Variants in NR2C2 observed in about 807,000 individuals in gnomAD.
The protein encoded by NR2C2 is nuclear receptor subfamily 2 group C member 2.
In NR2C2, 6 loss-of-function variants were observed where a neutral mutation model predicts 62.9. The observed-to-expected ratio is 0.10, with a 90% CI of 0.05 to 0.19. NR2C2 has a LOEUF of 0.19. Among genes scored for constraint, NR2C2 ranks in the 10% least tolerant of loss-of-function variants. The pLI, the probability that NR2C2 is intolerant of heterozygous loss-of-function variation, is 1.00. For synonymous variants in NR2C2, 272 were observed against 273.8 expected, an observed-to-expected ratio of 0.99 and a Z score of 0.07; for missense variants, 479 against 762.7, an observed-to-expected ratio of 0.63 and a Z score of 4.38.
At chr3:15,000,814 G>GT (rs60214973) in intron 1 of NR2C2, among the ~76,000 whole-genome samples, 15,270 of 127,022 alleles carry the variant, frequency 0.12, 1,133 homozygotes, top group East Asian at 0.24. Context: ...ATTTATTTAG[G>GT]TTTTTTTTTT....
chr3:15,000,204 AT>A (rs1250121842), intron 1 of NR2C2, among the ~76,000 whole-genome samples: 1 of 151,856 alleles, frequency 6.6e-6, no homozygotes, highest in African/African-American at 2.4e-5. Flanking sequence ...GTTAACTACC[AT>A]TTTACTCTGG....
chr3:14,962,655 C>CTTTTTTTTT, intron 1 of NR2C2, among the ~76,000 whole-genome samples: 1 of 123,668 alleles, frequency 8.1e-6, no homozygotes, highest in Non-Finnish European at 1.7e-5. Context: ...TTATTTGTAA[C>CTTTTTTTTT]TTTTTTTTTT....
At chr3:15,024,480 T>C (rs943573183) in intron 7 of NR2C2, among the ~76,000 whole-genome samples, 10 of 152,358 alleles carry the variant, frequency 6.6e-5, no homozygotes, top group African/African-American at 1.9e-4. Context: ...TTTTCTGTTA[T>C]AGTTTTCTTT....
chr3:14,977,071 G>GT (rs1470134293), intron 1 of NR2C2, among the ~76,000 whole-genome samples: 1 of 152,064 alleles, frequency 6.6e-6, no homozygotes, highest in Non-Finnish European at 1.5e-5. Context: ...TCTTCCCTCA[G>GT]TTTTTTTCTA....
At chr3:15,013,039 C>T (rs921252232) in intron 2 of NR2C2, among the ~76,000 whole-genome samples, 1 of 152,172 alleles carries the variant, frequency 6.6e-6, no homozygotes, top group African/African-American at 2.4e-5. Flanking sequence ...GATGTAGTCT[C>T]TATCCTTAAA....
intron 9 of NR2C2, among the ~76,000 whole-genome samples, chr3:15,031,832 A>G (rs3773482): frequency 0.18 from 26,380 of 150,692 alleles, 2,655 homozygotes; most frequent in African/African-American, 0.28. Flanking sequence ...GGGTTCAAGC[A>G]ATTCTCCTGC....
intron 1 of NR2C2, among the ~76,000 whole-genome samples, chr3:14,979,495 A>G (rs190157786): frequency 6.6e-6 from 1 of 152,354 alleles, no homozygotes; most frequent in Admixed American, 6.5e-5. Context: ...AGAGAGCAGT[A>G]AATGCTATAA....
chr3:14,955,263 A>G (rs1464823518), intron 1 of NR2C2, among the ~76,000 whole-genome samples: 2 of 152,250 alleles, frequency 1.3e-5, no homozygotes, highest in African/African-American at 4.8e-5. Flanking sequence ...TCAAAGTTCT[A>G]AAAGAACTGC....
At chr3:15,029,890 CAA>C (rs777140572) in intron 8 of NR2C2, among the ~76,000 whole-genome samples, 83 of 134,708 alleles carry the variant, frequency 6.2e-4, no homozygotes, top group Non-Finnish European at 1.1e-3. Flanking sequence ...GAGAAAGAGA[CAA>C]AGAGAAAAGG....
intron 3 of NR2C2, 68 bp downstream of exon 3, chr3:15,013,857 C>G (rs891482022): frequency 1.3e-6 from 2 of 1,533,378 alleles, no homozygotes; most frequent in African/African-American, 2.7e-5. Context: ...CTTGTTCTTA[C>G]ATCTGCCTTC....
At chr3:14,995,898 T>C (rs564993672) in intron 1 of NR2C2, among the ~76,000 whole-genome samples, 2 of 152,334 alleles carry the variant, frequency 1.3e-5, no homozygotes, top group South Asian at 2.1e-4. Context: ...TGGTATCTTA[T>C]TGTGATTTTT....
intron 7 of NR2C2, among the ~76,000 whole-genome samples, chr3:15,027,551 G>A (rs986639087): frequency 2.0e-5 from 3 of 152,174 alleles, no homozygotes; most frequent in Non-Finnish European, 4.4e-5. Flanking sequence ...CTTATGGGCT[G>A]TTTATATATC....
Position 15,020,865 on chromosome 3 carries a change from A to G in NR2C2, c.489A>G (p.Lys163=). The change falls in exon 5 of 14, where the codon AAA becomes AAG. Residue 163 remains lysine (K), a synonymous_variant. Coordinates refer to ENST00000425241, the MANE Select transcript of NR2C2 (RefSeq NM_001291694.2). ...GCAACCAAGACTGCATCATCAATAA[A>G]CATCACCGGAACCGCTGTCAGTTTT... ...CRSNQDCIIN[K]HHRNRCQFCR... 6.2e-7 allele frequency: 1 copy of G among 1,614,170 alleles called. No homozygotes were observed. The highest frequency in any genetic ancestry group is 1.1e-5 in the South Asian group (1 of 91,074).
chr3:14,952,304 G>C (rs1438861582), intron 1 of NR2C2, among the ~76,000 whole-genome samples: 2 of 152,144 alleles, frequency 1.3e-5, no homozygotes, highest in African/African-American at 4.8e-5. Flanking sequence ...CCTGTCTTCA[G>C]CCGTGGCACT....
At chr3:14,994,343 C>T (rs893788742) in intron 1 of NR2C2, among the ~76,000 whole-genome samples, 10 of 151,938 alleles carry the variant, frequency 6.6e-5, no homozygotes, top group Non-Finnish European at 1.2e-4. Context: ...TCCTTATGCC[C>T]CCTCCCAATC....
chr3:15,027,985 A>C (rs1001420141), intron 7 of NR2C2, among the ~76,000 whole-genome samples: 8 of 151,876 alleles, frequency 5.3e-5, no homozygotes, highest in African/African-American at 1.5e-4. Flanking sequence ...CAGCCTCCCA[A>C]GTACCTGGGG....
At chr3:14,962,527 C>T (rs1559529772) in intron 1 of NR2C2, 1 of 152,498 alleles carries the variant, frequency 6.6e-6, no homozygotes. Flanking sequence ...AGCTGGCACC[C>T]TCACTTTCGA....
At chr3:14,973,406 A>T (rs2040107490) in intron 1 of NR2C2, among the ~76,000 whole-genome samples, 1 of 151,968 alleles carries the variant, frequency 6.6e-6, no homozygotes, top group Non-Finnish European at 1.5e-5. Context: ...TTAAAAAAAA[A>T]AATTTTTTTT....
At position 14,958,863 on chromosome 3, in the gene NR2C2, C is replaced by T. The variant is rs547218588; in HGVS notation, c.-40+10957C>T. Reference sequence around the variant, plus strand: ...TGGTGGCGCATGCCTGTAATCCCAGCTACTGGGGAGGCTGAGGCAGGAGAA... The same window carrying T: ...TGGTGGCGCATGCCTGTAATCCCAGTTACTGGGGAGGCTGAGGCAGGAGAA... On this transcript the variant is annotated intron_variant, in intron 1 of 13. Transcript: ENST00000425241. 3.3e-5 allele frequency among the ~76,000 whole-genome samples: 5 copies of T among 152,334 alleles called. No individual in the cohort carries two copies. In the South Asian group the frequency reaches 6.2e-4, roughly 19 times the overall value.
Sources: allele counts gnomAD v4.1 joint callset (sites outside exome capture counted in the v4.1 genomes callset), GRCh38; gene constraint gnomAD v4.1.1; transcripts MANE v1.5; gene names NCBI Gene and HGNC (gene_info 2026-07-23, HGNC 2026-07-21).